Variants in REDIC1 observed in about 807,000 individuals in gnomAD.
REDIC1 encodes HEI10 Interacting Protein 1.
the REDIC1 span, chr12:39,648,123 T>C: frequency 2.0e-5 from 11 of 550,236 alleles, no homozygotes; most frequent in Non-Finnish European, 2.3e-5. Context: ...TCATTCCCTT[T>C]ACATCAAAAA....
chr12:39,662,763 T>C, the REDIC1 span, among the ~76,000 whole-genome samples: 5 of 152,126 alleles, frequency 3.3e-5, no homozygotes, highest in Non-Finnish European at 7.4e-5. Context: ...CCTGTGGGCT[T>C]GTCATAGATG....
chr12:39,696,954 C>A, the REDIC1 span, among the ~76,000 whole-genome samples: 1 of 152,072 alleles, frequency 6.6e-6, no homozygotes, highest in African/African-American at 2.4e-5. Context: ...GAGGGCAAAT[C>A]TAAGAGTGGT....
the REDIC1 span, among the ~76,000 whole-genome samples, chr12:39,752,225 C>T: frequency 1.3e-5 from 2 of 152,146 alleles, no homozygotes; most frequent in Non-Finnish European, 2.9e-5. Flanking sequence ...AGCCACACAG[C>T]AGGAGGTGAG....
the REDIC1 span, among the ~76,000 whole-genome samples, chr12:39,884,566 C>T: frequency 3.9e-5 from 6 of 152,090 alleles, no homozygotes; most frequent in African/African-American, 1.2e-4. Context: ...TTATTCAGGA[C>T]GTACTATGTG....
the REDIC1 span, among the ~76,000 whole-genome samples, chr12:39,862,570 C>T: frequency 6.6e-6 from 1 of 152,136 alleles, no homozygotes; most frequent in African/African-American, 2.4e-5. Flanking sequence ...GTTTCATTTG[C>T]TAAATTTTCC....
At chr12:39,642,283 T>C in the REDIC1 span, among the ~76,000 whole-genome samples, 11 of 151,878 alleles carry the variant, frequency 7.2e-5, no homozygotes, top group Middle Eastern at 3.4e-3. Flanking sequence ...ACATGTTTCC[T>C]GGAATAAAGG....
At chr12:39,846,884 T>C in the REDIC1 span, among the ~76,000 whole-genome samples, 3 of 152,262 alleles carry the variant, frequency 2.0e-5, no homozygotes, top group East Asian at 5.8e-4. Context: ...ATGTTAACTA[T>C]ATAATAAATG....
chr12:39,641,348 T>A, the REDIC1 span, among the ~76,000 whole-genome samples: 1 of 151,878 alleles, frequency 6.6e-6, no homozygotes, highest in Non-Finnish European at 1.5e-5. Context: ...TATTTTTTAT[T>A]ACACTGATTG....
chr12:39,867,645 A>G, the REDIC1 span, among the ~76,000 whole-genome samples: 1 of 152,186 alleles, frequency 6.6e-6, no homozygotes, highest in Admixed American at 6.5e-5. Context: ...GAAAATTCCT[A>G]AATAGGTAAA....
At chr12:39,712,251 C>T in the REDIC1 span, among the ~76,000 whole-genome samples, 7 of 139,028 alleles carry the variant, frequency 5.0e-5, no homozygotes, top group South Asian at 2.3e-4. Context: ...TATGTACATA[C>T]ATATATACAT....
At chr12:39,871,614 C>T in the REDIC1 span, among the ~76,000 whole-genome samples, 11 of 152,046 alleles carry the variant, frequency 7.2e-5, no homozygotes, top group South Asian at 2.1e-4. Flanking sequence ...TTTCTAGTCA[C>T]GTAGCGTAAC....
chr12:39,817,107 A>G, the REDIC1 span, among the ~76,000 whole-genome samples: 1 of 152,236 alleles, frequency 6.6e-6, no homozygotes, highest in Non-Finnish European at 1.5e-5. Flanking sequence ...CACAGAGAAC[A>G]TCTCATTCAA....
At chr12:39,838,174 A>G in the REDIC1 span, among the ~76,000 whole-genome samples, 1 of 150,348 alleles carries the variant, frequency 6.7e-6, no homozygotes, top group South Asian at 2.1e-4. Context: ...AAAAAGGATG[A>G]GTTCATGTCC....
the REDIC1 span, among the ~76,000 whole-genome samples, chr12:39,729,286 G>C: frequency 2.0e-5 from 3 of 152,134 alleles, no homozygotes; most frequent in African/African-American, 7.2e-5. Flanking sequence ...GTCTTCTCCT[G>C]TGGGCATTTA....
At chr12:39,881,854 A>G in the REDIC1 span, among the ~76,000 whole-genome samples, 5 of 151,970 alleles carry the variant, frequency 3.3e-5, no homozygotes, top group Non-Finnish European at 7.4e-5. Flanking sequence ...TGTTCATTCA[A>G]TAAAGATTTC....
At chr12:39,787,654 T>G in the REDIC1 span, among the ~76,000 whole-genome samples, 1 of 152,318 alleles carries the variant, frequency 6.6e-6, no homozygotes, top group Non-Finnish European at 1.5e-5. Flanking sequence ...TATTCAGTAA[T>G]GTAAGCATTA....
At chr12:39,856,466 T>C in the REDIC1 span, among the ~76,000 whole-genome samples, 2 of 152,302 alleles carry the variant, frequency 1.3e-5, no homozygotes, top group African/African-American at 4.8e-5. Context: ...CCTCCCGGGC[T>C]CAAGCGTTTC....
At chr12:39,811,071 C>A in the REDIC1 span, among the ~76,000 whole-genome samples, 1 of 151,980 alleles carries the variant, frequency 6.6e-6, no homozygotes, top group East Asian at 1.9e-4. Context: ...ATTTTTAATA[C>A]AAATTTGATT....
the REDIC1 span, among the ~76,000 whole-genome samples, chr12:39,668,960 T>TC: frequency 1.3e-5 from 2 of 151,556 alleles, no homozygotes; most frequent in Admixed American, 1.3e-4. Flanking sequence ...TTCGTCTAAT[T>TC]TTTTTCAAGG....
Sources: allele counts gnomAD v4.1 joint callset (sites outside exome capture counted in the v4.1 genomes callset), GRCh38; gene constraint gnomAD v4.1.1; transcripts MANE v1.5; gene names NCBI Gene and HGNC (gene_info 2026-07-23, HGNC 2026-07-21).